The following CLCA4 variants were observed in gnomAD, a reference collection of about 807,000 sequenced individuals.
The protein encoded by CLCA4 is chloride channel accessory 4.
Under a neutral mutation model 78.9 loss-of-function variants are expected in CLCA4, and 69 were observed. That is an observed-to-expected ratio of 0.87 (90% confidence interval 0.72 to 1.07). The LOEUF (loss-of-function observed/expected upper bound fraction) is 1.07, where lower values mean the gene tolerates loss of function less well. Among genes scored for constraint, CLCA4 ranks in the 50% least tolerant of loss-of-function variants. The pLI, the probability that CLCA4 is intolerant of heterozygous loss-of-function variation, is 0.00. For synonymous variants in CLCA4, 362 were observed against 375.8 expected (o/e 0.96, Z 0.42); for missense variants, 1,133 against 1,095.8 (o/e 1.03, Z -0.48).
At chr1:86,566,042 A>G (rs1157088370) in intron 6 of CLCA4, 22 bp downstream of exon 6, 2 of 1,592,958 alleles carry the variant, frequency 1.3e-6, no homozygotes, top group Non-Finnish European at 1.7e-6. Context: ...TTTTCTGGAT[A>G]TAGGGATGTA....
At chr1:86,574,404 C>T (rs145273643) in intron 9 of CLCA4, 136 bp from the exon 10 acceptor site, 2 of 638,330 alleles carry the variant, frequency 3.1e-6, no homozygotes, top group East Asian at 5.5e-5. Flanking sequence ...TCATCACCAG[C>T]TTGCAGAGAG....
At chr1:86,563,066 T>C (rs1180020680) in intron 3 of CLCA4, among the ~76,000 whole-genome samples, 2 of 151,874 alleles carry the variant, frequency 1.3e-5, no homozygotes, top group Non-Finnish European at 2.9e-5. Flanking sequence ...AAAGTTCTAC[T>C]TTCCTTCTTT....
intron 1 of CLCA4, among the ~76,000 whole-genome samples, chr1:86,547,493 C>G (rs1412582125): frequency 6.6e-6 from 1 of 152,168 alleles, no homozygotes; most frequent in African/African-American, 2.4e-5. Context: ...CTTCTAGCTA[C>G]TTTGAAATAC....
chr1:86,571,273 A>G lies in CLCA4; in HGVS notation c.1360+19A>G. The G allele has an allele frequency of 1.9e-6, 3 of 1,598,328 alleles. No homozygotes were observed. Among genetic ancestry groups the G allele is most frequent in the African/African-American group, 1.3e-5 (1 of 74,688 alleles). On this transcript the variant is annotated intron_variant, in intron 8 of 13. Transcript: ENST00000370563. Reference sequence around the variant, plus strand: ...ATAACAGGTAAAACACGATCCATTTATTCCAGGCCTTCAATAGTAATGCAT... The same window carrying G: ...ATAACAGGTAAAACACGATCCATTTGTTCCAGGCCTTCAATAGTAATGCAT...
intron 6 of CLCA4, among the ~76,000 whole-genome samples, chr1:86,566,521 G>A (rs1315055852): frequency 6.6e-6 from 1 of 152,016 alleles, no homozygotes; most frequent in East Asian, 1.9e-4. Flanking sequence ...CAGAAGGATG[G>A]CACATTTAAG....
rs202026884 is a variant in CLCA4 at position 86,548,509 on chromosome 1, CG to C, written c.159+1232del. Among the ~76,000 whole-genome samples, 1,472 of 151,692 alleles carry C rather than the reference CG, an allele frequency of 9.7e-3. 29 individuals carry two copies. Among genetic ancestry groups the C allele is most frequent in the African/African-American group, 0.034 (1,411 of 41,374 alleles). Reference sequence around the variant, plus strand: ...CAGGCTGGCCAACATGTTGAAACTCCGCCTTCACTAAAAATACAAAAAATTA... The same window carrying C: ...CAGGCTGGCCAACATGTTGAAACTCCCCTTCACTAAAAATACAAAAAATTA... On this transcript the variant is annotated intron_variant, in intron 1 of 13. Coordinates refer to ENST00000370563, the MANE Select transcript of CLCA4 (RefSeq NM_012128.4).
chr1:86,565,905 A>T lies in CLCA4; in HGVS notation c.839A>T (p.Glu280Val). Residue 280 changes from glutamate (E) to valine (V), a missense_variant, in exon 6 of 14, where the codon GAG becomes GTG. Transcript: ENST00000370563. ...ACATGGGAGGTGATTAGCAATTCTGAGGATTTTAAAAACACCATACCCATG... is the reference window on the plus strand; with the variant it reads ...ACATGGGAGGTGATTAGCAATTCTGTGGATTTTAAAAACACCATACCCATG... ...RSTWEVISNS[E>V]DFKNTIPMVT... 1.9e-6 allele frequency: 3 copies of T among 1,612,888 alleles called. No homozygotes were observed. Among genetic ancestry groups the T allele is most frequent in the Non-Finnish European group, 1.7e-6 (2 of 1,178,970 alleles).
Position 86,576,141 on chromosome 1 carries a change from G to A in CLCA4, c.1951+542G>A, listed in dbSNP as rs748177943. Among the ~76,000 whole-genome samples the A allele has an allele frequency of 1.3e-4, 19 of 151,978 alleles. No homozygotes were observed. The East Asian group carries it at 1.4e-3, about 11-fold the overall frequency. ...ATAAATAAAAATAAAAACGTTTTTGGTTGTTGAATTTTTTTGTTTGTTTTT... is the reference window on the plus strand; with the variant it reads ...ATAAATAAAAATAAAAACGTTTTTGATTGTTGAATTTTTTTGTTTGTTTTT... On this transcript the variant is annotated intron_variant, in intron 11 of 13. Coordinates refer to ENST00000370563, the MANE Select transcript of CLCA4 (RefSeq NM_012128.4).
intron 1 of CLCA4, among the ~76,000 whole-genome samples, chr1:86,549,205 A>C (rs530897040): frequency 3.0e-4 from 45 of 152,136 alleles, no homozygotes; most frequent in Non-Finnish European, 5.4e-4. Flanking sequence ...GAAGTCAGGG[A>C]AGGCCTCACT....
intron 4 of CLCA4, among the ~76,000 whole-genome samples, chr1:86,564,121 T>C (rs912308591): frequency 3.9e-5 from 6 of 152,128 alleles, no homozygotes; most frequent in African/African-American, 1.4e-4. Context: ...GTGCTAAATG[T>C]GGACTGAGTA....
At chr1:86,564,965 T>C (rs748290673) in intron 4 of CLCA4, among the ~76,000 whole-genome samples, 14 of 152,092 alleles carry the variant, frequency 9.2e-5, no homozygotes, top group Non-Finnish European at 1.6e-4. Flanking sequence ...CCCTATAGCA[T>C]ATTTACCACC....
At chr1:86,570,785 C>A (rs184570028) in intron 7 of CLCA4, among the ~76,000 whole-genome samples, 22 of 152,116 alleles carry the variant, frequency 1.4e-4, no homozygotes, top group Non-Finnish European at 3.2e-4. Flanking sequence ...TCTGGTTGAC[C>A]TGAGTTTCCC....
intron 9 of CLCA4, among the ~76,000 whole-genome samples, chr1:86,573,197 G>T (rs908327775): frequency 6.6e-6 from 1 of 151,844 alleles, no homozygotes; most frequent in African/African-American, 2.4e-5. Flanking sequence ...AATAATCATT[G>T]TCTATCTACA....
At chr1:86,573,633 T>G (rs1650421633) in intron 9 of CLCA4, among the ~76,000 whole-genome samples, 1 of 152,058 alleles carries the variant, frequency 6.6e-6, no homozygotes, top group African/African-American at 2.4e-5. Context: ...TTGGACATCT[T>G]GTCTGCAGAT....
At chr1:86,567,389 A>G (rs1234348443) in intron 6 of CLCA4, 35 bp from the exon 7 acceptor site, 2 of 1,527,498 alleles carry the variant, frequency 1.3e-6, no homozygotes, top group Non-Finnish European at 1.8e-6. Flanking sequence ...TCCAGTCAAA[A>G]TCACTTGTTT....
Position 86,565,793 on chromosome 1 carries a change from AC to A in CLCA4, c.736-7del. 1 of 1,439,076 alleles carries A rather than the reference AC, an allele frequency of 6.9e-7. No individual in the cohort carries two copies. The highest frequency in any genetic ancestry group is 9.3e-7 in the Non-Finnish European group (1 of 1,078,994). The allele number at this position is 1,439,076 out of a possible 1,614,324, so 89.1% of individuals were successfully genotyped here. On this transcript the variant is annotated splice_region_variant and splice_polypyrimidine_tract_variant and intron_variant, in intron 5 of 13. Transcript: ENST00000370563. ...ATTAAAATTATTTTTTATTTTATTA[AC>A]CTTTTAGGTTGTTGAATTTTGTAAC...
Position 86,560,006 on chromosome 1 carries a change from A to G in CLCA4, c.234A>G (p.Ile78Met). Residue 78 changes from isoleucine to methionine, a missense_variant, in exon 2 of 14, where the codon ATA (isoleucine) becomes ATG (methionine). By Grantham distance (10) the Ile-to-Met change is conservative. Transcript: ENST00000370563. ...GATTTTTTTTCAAAAATGTATCTATATTAATTCCTGAGAATTGGAAGGAAA... is the reference window on the plus strand; with the variant it reads ...GATTTTTTTTCAAAAATGTATCTATGTTAATTCCTGAGAATTGGAAGGAAA... ...EKRFFFKNVS[I>M]LIPENWKENP... 1 of 1,609,492 alleles carries G rather than the reference A, an allele frequency of 6.2e-7. No individual in the cohort carries two copies. Among genetic ancestry groups the G allele is most frequent in the East Asian group, 2.2e-5 (1 of 44,812 alleles).
At chr1:86,576,028 G>T (rs960950633) in intron 11 of CLCA4, among the ~76,000 whole-genome samples, 1 of 152,056 alleles carries the variant, frequency 6.6e-6, no homozygotes, top group African/African-American at 2.4e-5. Context: ...GGAGGTGGAG[G>T]TTGCAGTGAG....
chr1:86,554,773 A>G (rs1400510142), intron 1 of CLCA4, among the ~76,000 whole-genome samples: 1 of 151,650 alleles, frequency 6.6e-6, no homozygotes, highest in African/African-American at 2.4e-5. Flanking sequence ...GAATCACCAT[A>G]TTGCTTTCCA....
Sources: allele counts gnomAD v4.1 joint callset (sites outside exome capture counted in the v4.1 genomes callset), GRCh38; gene constraint gnomAD v4.1.1; transcripts MANE v1.5; gene names NCBI Gene and HGNC (gene_info 2026-07-23, HGNC 2026-07-21).